The following TMEM45A variants were observed in gnomAD, a reference collection of about 807,000 sequenced individuals.
TMEM45A encodes the protein transmembrane protein 45A.
A neutral mutation model predicts 32.0 loss-of-function variants in TMEM45A; 25 were observed. That is an observed-to-expected ratio of 0.78 (90% CI 0.57 to 1.09). The LOEUF is 1.09. TMEM45A is among the 50% of genes least tolerant of loss of function. The pLI, the probability that TMEM45A is intolerant of heterozygous loss-of-function variation, is 0.00. For missense variants in TMEM45A, 302 were observed against 325.0 expected, an observed-to-expected ratio of 0.93 and a Z score of 0.54; for synonymous variants, 122 against 114.8, an observed-to-expected ratio of 1.06 and a Z score of -0.40.
At chr3:100,508,620 A>G (rs7650523) in intron 1 of TMEM45A, among the ~76,000 whole-genome samples, 69,330 of 151,992 alleles carry the variant, frequency 0.46, 17,243 homozygotes, top group African/African-American at 0.66. Context: ...ACACATAGAG[A>G]AGTGGAACAG....
intron 1 of TMEM45A, among the ~76,000 whole-genome samples, chr3:100,534,123 T>C (rs900267579): frequency 6.6e-6 from 1 of 152,210 alleles, no homozygotes; most frequent in South Asian, 2.1e-4. Context: ...TGTTCTCTTC[T>C]TCCCCTCTTC....
chr3:100,534,041 C>T lies in TMEM45A; in HGVS notation c.-3-21168C>T, dbSNP rs150905644. 4.5e-3 allele frequency among the ~76,000 whole-genome samples: 678 copies of T among 152,224 alleles called. 14 individuals are homozygous for T. The highest frequency in any genetic ancestry group is 0.02 in the Admixed American group (307 of 15,284). On this transcript the variant is annotated intron_variant, in intron 1 of 5. Transcript: ENST00000323523. ...GAGCTGTTCAAGCCAAATGTGAGAC[C>T]TAGACAACACTTTGCTCTTCTGTCT...
chr3:100,564,769 C>G (rs1706395878), intron 4 of TMEM45A, among the ~76,000 whole-genome samples: 1 of 152,206 alleles, frequency 6.6e-6, no homozygotes, highest in South Asian at 2.1e-4. Flanking sequence ...CAGGCGTGAG[C>G]CACCACACCT....
At chr3:100,509,028 A>G (rs7653196) in intron 1 of TMEM45A, among the ~76,000 whole-genome samples, 69,353 of 151,996 alleles carry the variant, frequency 0.46, 17,262 homozygotes, top group African/African-American at 0.66. Context: ...TGAAGAGACA[A>G]ACTTCGAATG....
intron 1 of TMEM45A, among the ~76,000 whole-genome samples, chr3:100,497,590 A>G (rs1398388519): frequency 6.6e-6 from 1 of 152,182 alleles, no homozygotes; most frequent in Non-Finnish European, 1.5e-5. Context: ...TCTGGAACCA[A>G]TATTCTACTT....
chr3:100,571,521 T>A (rs1259850943), intron 5 of TMEM45A: 1 of 152,226 alleles, frequency 6.6e-6, no homozygotes, highest in Non-Finnish European at 1.5e-5. Flanking sequence ...AAACATTCGA[T>A]ACAATTTAAA....
At chr3:100,515,640 A>AG (rs1373185226) in intron 1 of TMEM45A, among the ~76,000 whole-genome samples, 1 of 151,812 alleles carries the variant, frequency 6.6e-6, no homozygotes, top group East Asian at 1.9e-4. Context: ...ATAAAAAAAA[A>AG]AAAAGAAAAG....
intron 1 of TMEM45A, among the ~76,000 whole-genome samples, chr3:100,529,731 C>T (rs150712000): frequency 1.3e-5 from 2 of 152,230 alleles, no homozygotes; most frequent in Non-Finnish European, 2.9e-5. Context: ...AGAGATTCTC[C>T]CACCTCAGCC....
At chr3:100,552,285 T>G (rs1433671761) in intron 1 of TMEM45A, among the ~76,000 whole-genome samples, 1 of 152,160 alleles carries the variant, frequency 6.6e-6, no homozygotes, top group African/African-American at 2.4e-5. Flanking sequence ...GCACAGGCTT[T>G]CATAATATGG....
chr3:100,520,470 A>T (rs1705412964), intron 1 of TMEM45A, among the ~76,000 whole-genome samples: 1 of 152,168 alleles, frequency 6.6e-6, no homozygotes, highest in Non-Finnish European at 1.5e-5. Flanking sequence ...TAGTTAAAGG[A>T]TACCTTGGTG....
intron 5 of TMEM45A, chr3:100,573,860 T>A (rs989140682): frequency 6.6e-6 from 1 of 152,228 alleles, no homozygotes; most frequent in Non-Finnish European, 1.5e-5. Flanking sequence ...GAGATAATCA[T>A]GTGGTTTTTG....
At chr3:100,523,813 CTCCT>C (rs781614686) in intron 1 of TMEM45A, among the ~76,000 whole-genome samples, 2,162 of 146,430 alleles carry the variant, frequency 0.015, 46 homozygotes, top group African/African-American at 0.055. Flanking sequence ...CCTCCTCCTC[CTCCT>C]TCTTCTTTTT....
intron 4 of TMEM45A, among the ~76,000 whole-genome samples, chr3:100,561,586 C>T (rs78675413): frequency 0.042 from 6,407 of 152,072 alleles, 475 homozygotes; most frequent in African/African-American, 0.15. Flanking sequence ...ATAACCTAGC[C>T]ACATCATGCA....
At chr3:100,509,979 G>A (rs1339513004) in intron 1 of TMEM45A, among the ~76,000 whole-genome samples, 1 of 152,366 alleles carries the variant, frequency 6.6e-6, no homozygotes, top group Admixed American at 6.5e-5. Flanking sequence ...CGCCCACGGA[G>A]TCTTGCTGAT....
In TMEM45A at chr3:100,556,760, G is replaced by C; in HGVS notation, c.191G>C (p.Gly64Ala). 5 of 1,611,840 alleles carry C rather than the reference G, an allele frequency of 3.1e-6. No homozygotes were observed. Among genetic ancestry groups the C allele is most frequent in the Non-Finnish European group, 4.2e-6 (5 of 1,178,716 alleles). Residue 64 changes from glycine (G) to alanine (A), a missense_variant and splice_region_variant, in exon 3 of 6, where the codon GGC becomes GCC. Transcript: ENST00000323523. Reference protein sequence around the residue: ...GITIVGMALTGMAGEQFIPGG... With the variant: ...GITIVGMALTAMAGEQFIPGG... ...AAAACTGTGATATGTTTCTTGGCAGGCATGGCTGGGGAGCAGTTTATTCCT... is the reference window on the plus strand; with the variant it reads ...AAAACTGTGATATGTTTCTTGGCAGCCATGGCTGGGGAGCAGTTTATTCCT...
chr3:100,574,090 G>T (rs1706631332), intron 5 of TMEM45A: 1 of 152,142 alleles, frequency 6.6e-6, no homozygotes, highest in African/African-American at 2.4e-5. Context: ...CCAGCCTTTG[G>T]TATCAGGATG....
At chr3:100,524,183 G>A (rs568380340) in intron 1 of TMEM45A, among the ~76,000 whole-genome samples, 4 of 152,302 alleles carry the variant, frequency 2.6e-5, no homozygotes, top group Admixed American at 6.5e-5. Flanking sequence ...CTGTGAGTGC[G>A]GGAGGATGGT....
chr3:100,560,313 G>A (rs1490807718), intron 4 of TMEM45A, among the ~76,000 whole-genome samples: 1 of 132,088 alleles, frequency 7.6e-6, no homozygotes, highest in African/African-American at 3.0e-5. Context: ...AGTCTTTCTT[G>A]TTTTAAAATA....
In TMEM45A at chr3:100,556,821, A is replaced by G. The variant is rs1706231609; in HGVS notation, c.252A>G (p.Gln84=). 1 of 1,614,060 alleles carries G rather than the reference A, an allele frequency of 6.2e-7. No homozygotes were observed. Among genetic ancestry groups the G allele is most frequent in the African/African-American group, 1.3e-5 (1 of 74,938 alleles). Residue 84 remains glutamine, a synonymous_variant, in exon 3 of 6, where the codon CAA becomes CAG. Transcript: ENST00000323523. ...GPHLMLYDYK[Q]GHWNQLLGWH... The stretch of plus-strand genomic sequence containing the variant: ...ATCTGATGTTATATGACTATAAACA[A>G]GGTCACTGGAATCAACTCCTGGGCT...
Sources: gnomAD v4.1 joint callset for allele counts (sites outside exome capture counted in the v4.1 genomes callset) on GRCh38, gnomAD v4.1.1 for gene constraint, MANE v1.5 for transcripts, NCBI Gene and HGNC (gene_info 2026-07-23, HGNC 2026-07-21) for gene names.